Variants in SH3PXD2A observed in about 807,000 individuals in gnomAD.
SH3PXD2A encodes SH3 and PX domain-containing protein 2A.
In SH3PXD2A, 32 loss-of-function variants were observed where a neutral mutation model predicts 115.2. The observed-to-expected ratio is 0.28, with a 90% CI of 0.21 to 0.37. SH3PXD2A has a LOEUF of 0.37. Ranked by LOEUF, SH3PXD2A falls within the 10% of genes least tolerant of loss-of-function variation. The pLI, the probability that SH3PXD2A is intolerant of heterozygous loss-of-function variation, is 1.00. For synonymous variants in SH3PXD2A, 610 were observed against 629.1 expected, an observed-to-expected ratio of 0.97 and a Z score of 0.45; for missense variants, 1,328 against 1,498.7, an observed-to-expected ratio of 0.89 and a Z score of 1.88.
chr10:103,774,616 C>T (rs986649730), intron 2 of SH3PXD2A, among the ~76,000 whole-genome samples: 4 of 152,140 alleles, frequency 2.6e-5, no homozygotes, highest in Admixed American at 2.0e-4. Flanking sequence ...GGCTAATATG[C>T]TGTAGAGACT....
intron 2 of SH3PXD2A, among the ~76,000 whole-genome samples, chr10:103,783,300 G>A (rs914941662): frequency 7.9e-5 from 12 of 152,198 alleles, no homozygotes; most frequent in Admixed American, 7.9e-4. Flanking sequence ...CTGATTCGTG[G>A]GAAGACTGGA....
At position 103,606,639 on chromosome 10, in the gene SH3PXD2A, C is replaced by T. The variant is rs1173564261; in HGVS notation, c.1309-722G>A. On this transcript the variant is annotated intron_variant, in intron 13 of 14. Coordinates refer to ENST00000369774, the MANE Select transcript of SH3PXD2A (RefSeq NM_001394015.1). Reference sequence around the variant, plus strand: ...CCTGCCGAGTGCCTGCGATTGCAGGCGCGCGCCGCCATGCCTGACTGGTTT... The same window carrying T: ...CCTGCCGAGTGCCTGCGATTGCAGGTGCGCGCCGCCATGCCTGACTGGTTT... 5.9e-5 allele frequency among the ~76,000 whole-genome samples: 9 copies of T among 152,188 alleles called. No homozygotes were observed. In the South Asian group the frequency reaches 6.2e-4, roughly 11 times the overall value.
chr10:103,828,326 C>T (rs2039451446), intron 1 of SH3PXD2A, among the ~76,000 whole-genome samples: 1 of 152,168 alleles, frequency 6.6e-6, no homozygotes, highest in African/African-American at 2.4e-5. Context: ...TGTTGCAAGT[C>T]CAGTGAGCGA....
chr10:103,673,446 C>G (rs897794491), intron 6 of SH3PXD2A: 3 of 152,092 alleles, frequency 2.0e-5, no homozygotes, highest in Non-Finnish European at 4.4e-5. Context: ...ACCTGTGGTC[C>G]CAGCTACTCT....
At chr10:103,812,012 G>A (rs2039275739) in intron 1 of SH3PXD2A, among the ~76,000 whole-genome samples, 1 of 152,196 alleles carries the variant, frequency 6.6e-6, no homozygotes, top group South Asian at 2.1e-4. Flanking sequence ...ATGAATTTTA[G>A]TCTCTTCCCC....
chr10:103,837,802 C>T (rs2039560194), intron 1 of SH3PXD2A, among the ~76,000 whole-genome samples: 1 of 152,192 alleles, frequency 6.6e-6, no homozygotes, highest in Non-Finnish European at 1.5e-5. Flanking sequence ...CTAGGACACA[C>T]ACAGTACCTG....
intron 1 of SH3PXD2A, among the ~76,000 whole-genome samples, chr10:103,838,059 C>A (rs1373683400): frequency 6.6e-6 from 1 of 152,166 alleles, no homozygotes; most frequent in Non-Finnish European, 1.5e-5. Context: ...GGAAACTGAG[C>A]CCCCAGGGTG....
At chr10:103,616,483 GAAA>G (rs1320826273) in intron 11 of SH3PXD2A, among the ~76,000 whole-genome samples, 9 of 152,208 alleles carry the variant, frequency 5.9e-5, no homozygotes, top group African/African-American at 2.2e-4. Context: ...AATGGTGAGT[GAAA>G]CCCACGGGAT....
rs962539746 is a variant in SH3PXD2A at position 103,803,046 on chromosome 10, G to T, written c.73-1684C>A. ...TGGAACAGGGTTTGCCACAGGCGTG[G>T]TGAGGCTTTGTGCTTGGCTGCTCCG... On this transcript the variant is annotated intron_variant, in intron 1 of 14. Coordinates refer to ENST00000369774, the MANE Select transcript of SH3PXD2A (RefSeq NM_001394015.1). 2.0e-5 allele frequency among the ~76,000 whole-genome samples: 3 copies of T among 152,340 alleles called. No individual in the cohort carries two copies. The East Asian group carries it at 5.8e-4, about 29-fold the overall frequency.
chr10:103,823,690 C>G (rs183009064), intron 1 of SH3PXD2A, among the ~76,000 whole-genome samples: 1 of 152,220 alleles, frequency 6.6e-6, no homozygotes, highest in Non-Finnish European at 1.5e-5. Flanking sequence ...ATTCCAGTCC[C>G]GGTGGGACTG....
At chr10:103,649,136 G>T (rs1365017633) in intron 8 of SH3PXD2A, among the ~76,000 whole-genome samples, 1 of 152,154 alleles carries the variant, frequency 6.6e-6, no homozygotes, top group Non-Finnish European at 1.5e-5. Context: ...AGGTCCCTAG[G>T]GGTAAGATGG....
rs150908815 is a variant in SH3PXD2A, at chr10:103,813,567, C to G, written c.73-12205G>C. Among the ~76,000 whole-genome samples the G allele has an allele frequency of 5.0e-3, 764 of 152,350 alleles. 2 individuals carry two copies. The highest frequency in any genetic ancestry group is 0.015 in the African/African-American group (605 of 41,572). ...TCTAGGCCTCAAGCAATCCTCCTGCCTCAGCCTCCCAAAGTACTGGGATTA... is the reference window on the plus strand; with the variant it reads ...TCTAGGCCTCAAGCAATCCTCCTGCGTCAGCCTCCCAAAGTACTGGGATTA... On this transcript the variant is annotated intron_variant, in intron 1 of 14. Transcript: ENST00000369774.
At chr10:103,759,606 A>G (rs12779135) in intron 3 of SH3PXD2A, among the ~76,000 whole-genome samples, 15,257 of 152,226 alleles carry the variant, frequency 0.1, 899 homozygotes, top group Non-Finnish European at 0.12. Flanking sequence ...GAAGTCCCTC[A>G]ATCCCTGGCC....
At chr10:103,625,005 C>T (rs996427553) in intron 9 of SH3PXD2A, among the ~76,000 whole-genome samples, 2 of 152,122 alleles carry the variant, frequency 1.3e-5, no homozygotes, top group East Asian at 1.9e-4. Context: ...GCCCTGGGCA[C>T]GCATGCACGC....
intron 10 of SH3PXD2A, among the ~76,000 whole-genome samples, chr10:103,617,715 C>T (rs1228455507): frequency 1.3e-5 from 2 of 152,174 alleles, no homozygotes; most frequent in Admixed American, 6.5e-5. Context: ...TGCCTTGAGG[C>T]CCCACGGCAT....
In SH3PXD2A at chr10:103,666,032, C is replaced by T. The variant is rs1479873708; in HGVS notation, c.472+2576G>A. 1.3e-5 allele frequency among the ~76,000 whole-genome samples: 2 copies of T among 152,182 alleles called. No homozygotes were observed. Among genetic ancestry groups the T allele is most frequent in the Non-Finnish European group, 2.9e-5 (2 of 68,024 alleles). On this transcript the variant is annotated intron_variant, in intron 7 of 14. Transcript: ENST00000369774. This position sits in a 1 kb window ranked among gnomAD's most constrained non-coding sequence, Gnocchi z 4.5. ...CTCACATCTGCATTCCTTCAACTAC[C>T]ACCTGGATGGAACCCTGGCTGCCAA... is the stretch of plus-strand genomic sequence containing the variant.
intron 1 of SH3PXD2A, among the ~76,000 whole-genome samples, chr10:103,818,826 CA>C (rs781159718): frequency 6.6e-6 from 1 of 152,182 alleles, no homozygotes; most frequent in Non-Finnish European, 1.5e-5. Flanking sequence ...CTCCAGACCT[CA>C]CTGGGTCCCC....
chr10:103,682,485 C>T (rs1180702385), intron 6 of SH3PXD2A, among the ~76,000 whole-genome samples: 2 of 152,186 alleles, frequency 1.3e-5, no homozygotes, highest in South Asian at 2.1e-4. Flanking sequence ...AGGCTGGCTG[C>T]GGTGGCTCAT....
chr10:103,735,694 T>G, intron 4 of SH3PXD2A, 38 bp downstream of exon 4: 1 of 1,340,888 alleles, frequency 7.5e-7, no homozygotes, highest in Non-Finnish European at 1.1e-6. Flanking sequence ...CCTGAAGCCC[T>G]CCCCGAGCCC....
Sources: allele counts gnomAD v4.1 joint callset (sites outside exome capture counted in the v4.1 genomes callset), GRCh38; gene constraint gnomAD v4.1.1; non-coding constraint Gnocchi (gnomAD v3.1); transcripts MANE v1.5; gene names NCBI Gene and HGNC (gene_info 2026-07-23, HGNC 2026-07-21).